Variants in IPCEF1 observed in about 807,000 individuals in gnomAD.
The protein encoded by IPCEF1 is interaction protein for cytohesin exchange factors 1.
A neutral mutation model predicts 50.9 loss-of-function variants in IPCEF1; 31 were observed. The observed-to-expected ratio is 0.61, with a 90% CI of 0.46 to 0.82. IPCEF1 has a LOEUF of 0.82. IPCEF1 is among the 40% of genes least tolerant of loss of function. The pLI is 0.00. For missense variants in IPCEF1, 458 were observed against 514.0 expected (o/e 0.89, Z 1.05); for synonymous variants, 181 against 192.0 (o/e 0.94, Z 0.47).
At chr6:154,353,293 CTT>C (rs914097422) in intron 1 of IPCEF1, among the ~76,000 whole-genome samples, 9 of 127,838 alleles carry the variant, frequency 7.0e-5, no homozygotes, top group Admixed American at 1.7e-4. Flanking sequence ...TTTCCTTTTC[CTT>C]TTTTTTTTTT....
intron 1 of IPCEF1, among the ~76,000 whole-genome samples, chr6:154,300,695 A>G (rs1397045990): frequency 1.3e-5 from 2 of 152,184 alleles, no homozygotes; most frequent in African/African-American, 2.4e-5. Flanking sequence ...CACCCCCCAA[A>G]AAACATAAAG....
intron 10 of IPCEF1, among the ~76,000 whole-genome samples, chr6:154,197,675 A>G (rs543613963): frequency 5.3e-4 from 81 of 152,330 alleles, no homozygotes; most frequent in Non-Finnish European, 1.0e-3. Flanking sequence ...CTGGAATGGC[A>G]TTTAGCCAGG....
At chr6:154,312,043 C>T (rs907983424) in intron 1 of IPCEF1, among the ~76,000 whole-genome samples, 2 of 152,220 alleles carry the variant, frequency 1.3e-5, no homozygotes, top group Non-Finnish European at 2.9e-5. Flanking sequence ...TCACAATAGC[C>T]AAGATATGCA....
At chr6:154,210,592 T>C (rs1464999152) in intron 9 of IPCEF1, among the ~76,000 whole-genome samples, 2 of 152,162 alleles carry the variant, frequency 1.3e-5, no homozygotes, top group African/African-American at 2.4e-5. Context: ...CTGAGAAACA[T>C]TGTAAGGTCT....
chr6:154,350,630 CAAG>C (rs1462012519), intron 1 of IPCEF1, among the ~76,000 whole-genome samples: 2 of 152,226 alleles, frequency 1.3e-5, no homozygotes, highest in Non-Finnish European at 2.9e-5. Context: ...TATTAGCTTC[CAAG>C]AAGGGCTCCA....
chr6:154,296,581 G>A (rs1254118039), intron 1 of IPCEF1, among the ~76,000 whole-genome samples: 1 of 152,134 alleles, frequency 6.6e-6, no homozygotes, highest in African/African-American at 2.4e-5. Context: ...TGTAATCCCA[G>A]CACTTTGGGA....
intron 1 of IPCEF1, among the ~76,000 whole-genome samples, chr6:154,348,661 G>C (rs376409488): frequency 1.3e-5 from 2 of 152,178 alleles, no homozygotes; most frequent in African/African-American, 4.8e-5. Context: ...AAGAGGTTGG[G>C]ATTTGTGCCT....
At chr6:154,332,922 C>T (rs1313945235) in intron 1 of IPCEF1, among the ~76,000 whole-genome samples, 2 of 152,132 alleles carry the variant, frequency 1.3e-5, no homozygotes, top group East Asian at 3.9e-4. Context: ...TTGAAGCAGG[C>T]CTGATGGAAA....
At chr6:154,268,316 G>A (rs768909992) in intron 2 of IPCEF1, among the ~76,000 whole-genome samples, 1 of 152,226 alleles carries the variant, frequency 6.6e-6, no homozygotes, top group Non-Finnish European at 1.5e-5. Context: ...TTTGGAGTGG[G>A]AGGTGTGGGT....
intron 1 of IPCEF1, among the ~76,000 whole-genome samples, chr6:154,310,255 A>C (rs1270916802): frequency 6.6e-6 from 1 of 152,236 alleles, no homozygotes; most frequent in African/African-American, 2.4e-5. Flanking sequence ...TGATTGGCAA[A>C]TAGATGCATG....
At chr6:154,276,899 A>G (rs1179343868) in intron 2 of IPCEF1, among the ~76,000 whole-genome samples, 1 of 152,148 alleles carries the variant, frequency 6.6e-6, no homozygotes, top group East Asian at 1.9e-4. Context: ...TGAGTAAGCT[A>G]TTTACCAAAT....
Position 154,238,826 on chromosome 6 carries a change from G to A in IPCEF1, c.246+7765C>T, listed in dbSNP as rs986827797. Reference sequence around the variant, plus strand: ...TTCCCAAAGTGCTGGGATTACAGGCGTGAGCCACCATGCCTGGCCCTATTG... The same window carrying A: ...TTCCCAAAGTGCTGGGATTACAGGCATGAGCCACCATGCCTGGCCCTATTG... On this transcript the variant is annotated intron_variant, in intron 5 of 11. Transcript: ENST00000367220. 5.3e-5 allele frequency among the ~76,000 whole-genome samples: 8 copies of A among 151,926 alleles called. No homozygotes were observed. The South Asian group carries it at 1.2e-3, about 24-fold the overall frequency.
chr6:154,223,057 C>T, intron 6 of IPCEF1, 113 bp downstream of exon 6: 1 of 834,376 alleles, frequency 1.2e-6, no homozygotes, highest in Non-Finnish European at 2.0e-6. Flanking sequence ...TTCAAATTCT[C>T]AGACATTCCG....
chr6:154,281,018 A>G (rs1782193111), intron 2 of IPCEF1, among the ~76,000 whole-genome samples: 1 of 151,716 alleles, frequency 6.6e-6, no homozygotes, highest in Non-Finnish European at 1.5e-5. Context: ...TGAGCAACAT[A>G]CTGAGAATCC....
At chr6:154,268,073 G>T (rs1781803472) in intron 2 of IPCEF1, among the ~76,000 whole-genome samples, 1 of 152,232 alleles carries the variant, frequency 6.6e-6, no homozygotes, top group African/African-American at 2.4e-5. Flanking sequence ...TGAAGGTGGG[G>T]TCTCACCAGG....
chr6:154,354,449 C>T (rs1452700887), intron 1 of IPCEF1, among the ~76,000 whole-genome samples: 142 of 147,342 alleles, frequency 9.6e-4, no homozygotes, highest in Non-Finnish European at 1.6e-3. Context: ...TCCTCCACCA[C>T]CACCTCCACC....
At chr6:154,236,104 T>C (rs993139270) in intron 5 of IPCEF1, among the ~76,000 whole-genome samples, 1 of 152,190 alleles carries the variant, frequency 6.6e-6, no homozygotes, top group Non-Finnish European at 1.5e-5. Context: ...ATTGTGAATA[T>C]TGGCATTATT....
intron 5 of IPCEF1, among the ~76,000 whole-genome samples, chr6:154,240,062 G>C (rs985154994): frequency 6.6e-6 from 1 of 152,092 alleles, no homozygotes. Flanking sequence ...GCTGGTTCTT[G>C]GCTAAGACAA....
intron 1 of IPCEF1, among the ~76,000 whole-genome samples, chr6:154,304,196 T>C (rs1416285954): frequency 1.3e-5 from 2 of 152,194 alleles, no homozygotes; most frequent in Non-Finnish European, 2.9e-5. Context: ...CACTCCAGCC[T>C]GGGTGACAGA....
Sources: allele counts gnomAD v4.1 joint callset (sites outside exome capture counted in the v4.1 genomes callset), GRCh38; gene constraint gnomAD v4.1.1; transcripts MANE v1.5; gene names NCBI Gene and HGNC (gene_info 2026-07-23, HGNC 2026-07-21).